STAB1: variants seen among roughly 807,000 people sequenced by gnomAD.
STAB1 encodes the protein stabilin-1.
Under a neutral mutation model 332.4 loss-of-function variants are expected in STAB1, and 250 were observed. The ratio of observed to expected loss-of-function variants is 0.75; its 90% CI spans 0.68 to 0.84. STAB1 has a LOEUF of 0.84. Among genes scored for constraint, STAB1 ranks in the 40% least tolerant of loss-of-function variants. The probability of loss-of-function intolerance (pLI) is 0.00; values close to 1 mark genes in which losing one functional copy is unlikely to be tolerated. For synonymous variants in STAB1, 1,475 were observed against 1,390.4 expected (o/e 1.06, Z -1.35); for missense variants, 3,249 against 3,489.7 (o/e 0.93, Z 1.74).
intron 54 of STAB1, 35 bp downstream of exon 54, chr3:52,520,733 T>TTGGGGGGGGGGGGGGGGGG: frequency 5.8e-6 from 3 of 514,990 alleles, no homozygotes; most frequent in Admixed American, 7.4e-5. Flanking sequence ...GGTGGTGGGG[T>TTGGGGGGGGGGGGGGGGGG]GGGGGCAGGC....
rs1181108299 is a variant in STAB1, at chr3:52,512,453, C to T, written c.2979+17C>T. On this transcript the variant is annotated intron_variant, in intron 27 of 68. Coordinates refer to ENST00000321725, the MANE Select transcript of STAB1 (RefSeq NM_015136.3). ...ATCTTCCGGGTAAGGGGTGCTCAGA[C>T]TCGTTTTCTGTCTTCCCCGTGCTTG... The T allele has an allele frequency of 5.0e-6, 8 of 1,609,850 alleles. No homozygotes were observed. Among genetic ancestry groups the T allele is most frequent in the African/African-American group, 1.3e-5 (1 of 74,614 alleles).
rs986741638 is a variant in STAB1, at chr3:52,518,742, G to A, written c.4907G>A (p.Arg1636His). ...CTCCAGGATGAGCTGGCCCGGATTCGTGCGCATCGCCAGCTGGTGTTTCGC... is the reference window on the plus strand; with the variant it reads ...CTCCAGGATGAGCTGGCCCGGATTCATGCGCATCGCCAGCTGGTGTTTCGC... Reference protein sequence around the residue: ...NLSQDELARIRAHRQLVFRYH... With the variant: ...NLSQDELARIHAHRQLVFRYH... Residue 1636 changes from arginine to histidine, a missense_variant, in exon 48 of 69, where the codon CGT (arginine) becomes CAT (histidine). Transcript: ENST00000321725. 2.5e-6 allele frequency: 4 copies of A among 1,612,386 alleles called. No individual in the cohort carries two copies. Among genetic ancestry groups the A allele is most frequent in the South Asian group, 1.1e-5 (1 of 91,066 alleles).
chr3:52,523,149 C>T lies in STAB1; in HGVS notation c.7020+15C>T, dbSNP rs745516267. On this transcript the variant is annotated intron_variant, in intron 63 of 68. Coordinates refer to ENST00000321725, the MANE Select transcript of STAB1 (RefSeq NM_015136.3). ...CCTTCTATGGGGTGTGTGGGGGCCA[C>T]CCTTGGGGGCGGGGGGTGCTGGGAT... 1.9e-6 allele frequency: 3 copies of T among 1,607,208 alleles called. No homozygotes were observed. The highest frequency in any genetic ancestry group is 3.3e-4 in the Middle Eastern group (2 of 6,038).
At chr3:52,508,191 G>A in intron 20 of STAB1, 82 bp from the exon 21 acceptor site, 1 of 1,433,840 alleles carries the variant, frequency 7.0e-7, no homozygotes. Flanking sequence ...TCACTCTGGA[G>A]ATGGGGCCAG....
In STAB1 at chr3:52,511,679, C is replaced by T. The variant is rs778143328; in HGVS notation, c.2817C>T (p.Ala939=). 1.5e-5 allele frequency: 24 copies of T among 1,610,692 alleles called. No individual in the cohort carries two copies. The highest frequency in any genetic ancestry group is 4.0e-5 in the African/African-American group (3 of 74,874). The change falls in exon 26 of 69, where the codon GCC becomes GCT. Residue 939 remains alanine (A), a synonymous_variant. Transcript: ENST00000321725. The part of the protein sequence containing the change: ...QSRCTCKLGF[A]GDGYQCSPID... ...GATGCACCTGCAAGCTGGGCTTTGC[C>T]GGGGATGGCTACCAGTGCAGCCCCA...
chr3:52,518,351 C>T lies in STAB1; in HGVS notation c.4801C>T (p.Arg1601Cys), dbSNP rs2078947244. 5 of 1,612,442 alleles carry T rather than the reference C, an allele frequency of 3.1e-6. No individual in the cohort carries two copies. Among genetic ancestry groups the T allele is most frequent in the East Asian group, 2.2e-5 (1 of 44,898 alleles). ...RDKHASFFSL[R>C]LLEYKELKGD... ...TAAGCATGCCTCATTCTTCAGCCTC[C>T]GCCTCCTGGTGAGTGGCCAGCTTGG... Residue 1601 changes from arginine (R) to cysteine (C), a missense_variant, in exon 46 of 69, where the codon CGC becomes TGC. Transcript: ENST00000321725.
At position 52,502,308 on chromosome 3, in the gene STAB1, C is replaced by T. The variant is rs1422215475; in HGVS notation, c.487+80C>T. 27 of 1,463,064 alleles carry T rather than the reference C, an allele frequency of 1.8e-5. No individual in the cohort carries two copies. In the East Asian group the frequency reaches 2.4e-4, roughly 13 times the overall value. The allele number at this position is 1,463,064 out of a possible 1,614,324, so 90.6% of individuals were successfully genotyped here. On this transcript the variant is annotated intron_variant, in intron 5 of 68. Transcript: ENST00000321725. The stretch of plus-strand genomic sequence containing the variant: ...AGATGCAGTACCTACAACCAGCTCC[C>T]ACCTGTCCCTTCAGCCTCTGTCCCA...
At chr3:52,508,120 C>A in intron 20 of STAB1, 94 bp downstream of exon 20, 1 of 1,395,042 alleles carries the variant, frequency 7.2e-7, no homozygotes, top group Non-Finnish European at 1.0e-6. Context: ...CTCCCTCCCT[C>A]AGAGGATGCA....
At chr3:52,496,209 A>G (rs1002634310) in intron 1 of STAB1, among the ~76,000 whole-genome samples, 22 of 152,246 alleles carry the variant, frequency 1.4e-4, no homozygotes, top group African/African-American at 5.1e-4. Flanking sequence ...ATGCAGCCAC[A>G]GCCAGCCCCT....
chr3:52,519,348 G>A lies in STAB1; in HGVS notation c.5119G>A (p.Val1707Ile). ...VNGILHFIDR[V>I]LLPPEALHWE... ...CGGCATCCTGCACTTCATTGACCGT[G>A]TCCTGCTGCCCCCCGAGGCGCTGCA... Residue 1707 changes from valine (V) to isoleucine (I), a missense_variant, in exon 49 of 69, where the codon GTC (valine) becomes ATC (isoleucine). Coordinates refer to ENST00000321725, the MANE Select transcript of STAB1 (RefSeq NM_015136.3). 2 of 1,613,148 alleles carry A rather than the reference G, an allele frequency of 1.2e-6. No homozygotes were observed. Among genetic ancestry groups the A allele is most frequent in the South Asian group, 1.1e-5 (1 of 91,090 alleles).
Position 52,519,527 on chromosome 3 carries a change from AG to A in STAB1, c.5201del (p.Gly1734AlafsTer11). 2 of 1,613,280 alleles carry A rather than the reference AG, an allele frequency of 1.2e-6. No individual in the cohort carries two copies. Among genetic ancestry groups the A allele is most frequent in the Non-Finnish European group, 1.7e-6 (2 of 1,179,996 alleles). On this transcript the variant is annotated frameshift_variant, in exon 50 of 69. Coordinates refer to ENST00000321725, the MANE Select transcript of STAB1 (RefSeq NM_015136.3). LOFTEE classifies it high-confidence loss of function. ...IPRRNVTAAA[Q>X]GFGYKIFSGL... ...CAGAGAAATGTCACCGCCGCCGCCC[AG>A]GGCTTCGGTTACAAGATCTTCAGCG...
intron 9 of STAB1, 54 bp from the exon 10 acceptor site, chr3:52,503,974 T>C (rs1578364217): frequency 6.3e-7 from 1 of 1,586,608 alleles, no homozygotes; most frequent in East Asian, 2.3e-5. Flanking sequence ...GCGTGGGGGG[T>C]GCGGTGGGGG....
rs752376571 is a variant in STAB1 at position 52,518,562 on chromosome 3, G to A, written c.4836G>A (p.Gly1612=). ...LLEYKELKGD[G]PFTIFVPHAD... ...AATATAAGGAGCTCAAGGGCGATGG[G>A]CCTTTCACCATCTTCGTGCCGCACG... is the stretch of plus-strand genomic sequence containing the variant. The change falls in exon 47 of 69, where the codon GGG becomes GGA. Residue 1612 remains glycine (G), a synonymous_variant. Transcript: ENST00000321725. 1.1e-5 allele frequency: 18 copies of A among 1,597,216 alleles called. No individual in the cohort carries two copies. The Admixed American group carries it at 3.1e-4, about 28-fold the overall frequency.
At position 52,504,507 on chromosome 3, in the gene STAB1, G is replaced by A. The variant is rs1369057889; in HGVS notation, c.1197G>A (p.Val399=). ...EILTTAGPFT[V]LVPSVSSFSS... ...TTACCACAGCGGGCCCTTTCACCGT[G>A]CTGGTGCCATCCGTCTCCTCCTTCT... The change falls in exon 11 of 69, where the codon GTG becomes GTA. Residue 399 remains valine (V), a synonymous_variant. Coordinates refer to ENST00000321725, the MANE Select transcript of STAB1 (RefSeq NM_015136.3). 3 of 1,613,950 alleles carry A rather than the reference G, an allele frequency of 1.9e-6. No individual in the cohort carries two copies. Among genetic ancestry groups the A allele is most frequent in the Non-Finnish European group, 2.5e-6 (3 of 1,180,022 alleles).
At position 52,518,817 on chromosome 3, in the gene STAB1, A is replaced by C; in HGVS notation, c.4982A>C (p.Gln1661Pro). ...RRLRSEDLLE[Q>P]GYATALSGHP... ...CTGCGGAGCGAGGACCTGCTGGAGCAGGGGTACGCCACGGCCCTCTCAGGG... is the reference window on the plus strand; with the variant it reads ...CTGCGGAGCGAGGACCTGCTGGAGCCGGGGTACGCCACGGCCCTCTCAGGG... Residue 1661 changes from glutamine to proline, a missense_variant, in exon 48 of 69, where the codon CAG becomes CCG. Transcript: ENST00000321725. 1 of 1,610,792 alleles carries C rather than the reference A, an allele frequency of 6.2e-7. No homozygotes were observed. Among genetic ancestry groups the C allele is most frequent in the Non-Finnish European group, 8.5e-7 (1 of 1,179,628 alleles).
intron 21 of STAB1, 128 bp from the exon 22 acceptor site, chr3:52,509,082 C>T: frequency 1.3e-6 from 1 of 795,208 alleles, no homozygotes; most frequent in Non-Finnish European, 1.9e-6. Context: ...TTTTGAAGAT[C>T]CCTTCCAGGA....
chr3:52,518,198 G>A (rs373066949), intron 45 of STAB1, 114 bp from the exon 46 acceptor site: 5 of 1,552,574 alleles, frequency 3.2e-6, no homozygotes, highest in Admixed American at 3.6e-5. Context: ...CAGACCCCGC[G>A]GCTTTCCTTT....
intron 24 of STAB1, 34 bp downstream of exon 24, chr3:52,510,269 C>T: frequency 3.7e-6 from 6 of 1,614,016 alleles, no homozygotes; most frequent in East Asian, 2.2e-5. Flanking sequence ...GAAGTTCTGA[C>T]CCAGAGGCAG....
chr3:52,521,123 G>A, intron 55 of STAB1, 118 bp downstream of exon 55: 3 of 1,314,392 alleles, frequency 2.3e-6, no homozygotes, highest in Non-Finnish European at 3.1e-6. Flanking sequence ...GCTCTGGGTG[G>A]TGAGTAGATT....
Sources: gnomAD v4.1 joint callset for allele counts (sites outside exome capture counted in the v4.1 genomes callset) on GRCh38, gnomAD v4.1.1 for gene constraint, MANE v1.5 for transcripts, NCBI Gene and HGNC (gene_info 2026-07-23, HGNC 2026-07-21) for gene names.